The following EHD4 variants were observed in gnomAD, a reference collection of about 807,000 sequenced individuals.
EHD4 encodes the protein EH domain-containing protein 4.
In EHD4, 37 loss-of-function variants were observed where a neutral mutation model predicts 51.0. The ratio of observed to expected loss-of-function variants is 0.73; its 90% CI spans 0.56 to 0.95. The LOEUF (loss-of-function observed/expected upper bound fraction) is 0.95, where lower values mean the gene tolerates loss of function less well. Ranked by LOEUF, EHD4 falls within the 40% of genes least tolerant of loss-of-function variation. The pLI, the probability that EHD4 is intolerant of heterozygous loss-of-function variation, is 0.00. For missense variants in EHD4, 632 were observed against 733.1 expected (o/e 0.86, Z 1.59); for synonymous variants, 297 against 317.3 (o/e 0.94, Z 0.68).
intron 5 of EHD4, among the ~76,000 whole-genome samples, chr15:41,905,651 CA>C: frequency 6.6e-6 from 1 of 152,282 alleles, no homozygotes; most frequent in East Asian, 1.9e-4. Context: ...GGGTTGCTGT[CA>C]ATTATTTTTA....
intron 1 of EHD4, among the ~76,000 whole-genome samples, chr15:41,962,496 G>A (rs1270702100): frequency 2.7e-5 from 4 of 146,356 alleles, no homozygotes; most frequent in African/African-American, 5.1e-5. Context: ...TCATGTGACA[G>A]CAGAAAAAGG....
intron 5 of EHD4, among the ~76,000 whole-genome samples, chr15:41,905,025 G>A (rs2067503414): frequency 6.6e-6 from 1 of 152,226 alleles, no homozygotes; most frequent in Non-Finnish European, 1.5e-5. Context: ...TGGCATCAGC[G>A]AGCTCTCTGC....
At chr15:41,930,450 C>T (rs565228300) in intron 3 of EHD4, among the ~76,000 whole-genome samples, 42 of 152,280 alleles carry the variant, frequency 2.8e-4, no homozygotes, top group Non-Finnish European at 2.5e-4. Flanking sequence ...AGGCTTTGAC[C>T]GTGACAATGC....
chr15:41,958,646 GA>G (rs2067903867), intron 1 of EHD4, among the ~76,000 whole-genome samples: 3 of 152,140 alleles, frequency 2.0e-5, no homozygotes, highest in African/African-American at 7.2e-5. Context: ...TCTCAACGAT[GA>G]GCTTAAGAAT....
intron 5 of EHD4, among the ~76,000 whole-genome samples, chr15:41,904,648 G>C (rs8041458): frequency 0.35 from 52,886 of 152,088 alleles, 9,724 homozygotes; most frequent in Middle Eastern, 0.53. Context: ...ACATTAACCA[G>C]AAGAGTTTTC....
At position 41,897,485 on chromosome 15, in the gene EHD4, C is replaced by T. The variant is rs984425316; in HGVS notation, c.*3160G>A. ...GCCAACTGAATGAATGACCCTCCCCCAGAAGAGCAACCCTGCCCCCAGGCC... is the reference window on the plus strand; with the variant it reads ...GCCAACTGAATGAATGACCCTCCCCTAGAAGAGCAACCCTGCCCCCAGGCC... On this transcript the variant is annotated 3_prime_UTR_variant, in exon 6 of 6. Coordinates refer to ENST00000220325, the MANE Select transcript of EHD4 (RefSeq NM_139265.4). The T allele has an allele frequency of 6.6e-6, 1 of 152,380 alleles. No individual in the cohort carries two copies. The highest frequency in any genetic ancestry group is 1.5e-5 in the Non-Finnish European group (1 of 68,132). The allele number at this position is 152,380 out of a possible 1,614,324, so 9.4% of individuals were successfully genotyped here.
intron 3 of EHD4, among the ~76,000 whole-genome samples, chr15:41,931,065 C>T (rs532117196): frequency 4.5e-4 from 69 of 152,282 alleles, no homozygotes; most frequent in African/African-American, 1.6e-3. Context: ...AAAAAGACCG[C>T]CGCTCCTTTT....
intron 5 of EHD4, 92 bp downstream of exon 5, chr15:41,909,607 A>G: frequency 6.9e-7 from 1 of 1,452,792 alleles, no homozygotes; most frequent in Admixed American, 1.7e-5. Flanking sequence ...ATCCTAAACC[A>G]TGGGACTCTC....
intron 2 of EHD4, among the ~76,000 whole-genome samples, chr15:41,946,037 C>T (rs1001090145): frequency 2.6e-5 from 4 of 152,216 alleles, no homozygotes; most frequent in African/African-American, 4.8e-5. Flanking sequence ...GTGCTTTGAA[C>T]GGTGCCTGAC....
chr15:41,906,061 G>A (rs1380551059), intron 5 of EHD4, among the ~76,000 whole-genome samples: 3 of 152,238 alleles, frequency 2.0e-5, no homozygotes, highest in Admixed American at 6.5e-5. Flanking sequence ...GCAGATAGGG[G>A]TGGGTCTCCA....
chr15:41,939,792 CAA>C (rs537857115), intron 3 of EHD4, among the ~76,000 whole-genome samples: 70 of 80,224 alleles, frequency 8.7e-4, no homozygotes, highest in Admixed American at 1.9e-3. Context: ...GACTCCGTCT[CAA>C]AAAAAAAAAA....
intron 4 of EHD4, among the ~76,000 whole-genome samples, chr15:41,910,984 A>C (rs143205785): frequency 6.6e-6 from 1 of 152,356 alleles, no homozygotes; most frequent in African/African-American, 2.4e-5. Flanking sequence ...AGCAACGGAA[A>C]ATCCTATTAA....
rs144480701 is a variant in EHD4 at position 41,939,489 on chromosome 15, G to T, written c.511+3578C>A. Among the ~76,000 whole-genome samples the T allele has an allele frequency of 3.7e-3, 559 of 152,184 alleles. 1 individual carries two copies. Among genetic ancestry groups the T allele is most frequent in the Admixed American group, 5.7e-3 (87 of 15,286 alleles). The stretch of plus-strand genomic sequence containing the variant: ...GCGGGTGGATCACACCTGAGGTCAG[G>T]AGTTTGAGACCAGTTTGGCCAATAT... On this transcript the variant is annotated intron_variant, in intron 3 of 5. Coordinates refer to ENST00000220325, the MANE Select transcript of EHD4 (RefSeq NM_139265.4).
At position 41,916,569 on chromosome 15, in the gene EHD4, T is replaced by G. The variant is rs144960825; in HGVS notation, c.924+2641A>C. On this transcript the variant is annotated intron_variant, in intron 4 of 5. Coordinates refer to ENST00000220325, the MANE Select transcript of EHD4 (RefSeq NM_139265.4). Reference sequence around the variant, plus strand: ...TAATAAACCAAAATAAAAGCACTTTTGGAAAATATAAACACTCCAAAAAGA... The same window carrying G: ...TAATAAACCAAAATAAAAGCACTTTGGGAAAATATAAACACTCCAAAAAGA... Among the ~76,000 whole-genome samples the G allele has an allele frequency of 2.2e-4, 33 of 152,348 alleles. No homozygotes were observed. The East Asian group carries it at 5.8e-3, about 27-fold the overall frequency.
At chr15:41,911,968 T>C (rs1412886001) in intron 4 of EHD4, among the ~76,000 whole-genome samples, 3 of 152,172 alleles carry the variant, frequency 2.0e-5, no homozygotes, top group African/African-American at 7.2e-5. Flanking sequence ...ACACTGTTCC[T>C]GAACACTCCC....
Position 41,899,101 on chromosome 15 carries a change from TG to T in EHD4, c.*1543del, listed in dbSNP as rs1244394913. On this transcript the variant is annotated 3_prime_UTR_variant, in exon 6 of 6. Transcript: ENST00000220325. Reference sequence around the variant, plus strand: ...ATTATGTGCCTTTTGGAAGACTCAGTGGGACGGTTCTGATTTCATTCACTTC... The same window carrying T: ...ATTATGTGCCTTTTGGAAGACTCAGTGGACGGTTCTGATTTCATTCACTTC... 6.6e-6 allele frequency: 1 copy of T among 152,128 alleles called. No individual in the cohort carries two copies. The highest frequency in any genetic ancestry group is 1.5e-5 in the Non-Finnish European group (1 of 68,030). The allele number at this position is 152,128 out of a possible 1,614,324, so 9.4% of individuals were successfully genotyped here.
chr15:41,940,537 T>C (rs145814147), intron 3 of EHD4, among the ~76,000 whole-genome samples: 135 of 152,340 alleles, frequency 8.9e-4, no homozygotes, highest in African/African-American at 3.2e-3. Flanking sequence ...GGCACCGGGC[T>C]TGGGAACCAC....
intron 1 of EHD4, among the ~76,000 whole-genome samples, chr15:41,958,952 C>T (rs572592471): frequency 2.0e-5 from 3 of 152,104 alleles, no homozygotes; most frequent in East Asian, 1.9e-4. Flanking sequence ...CCTGAGAGGC[C>T]GACGGGTTCC....
intron 1 of EHD4, 31 bp downstream of exon 1, chr15:41,972,228 G>C (rs530853023): frequency 6.6e-7 from 1 of 1,510,478 alleles, no homozygotes; most frequent in African/African-American, 1.4e-5. Context: ...GCGGAGCGGG[G>C]CGGGAGCCGG....
Sources: allele counts gnomAD v4.1 joint callset (sites outside exome capture counted in the v4.1 genomes callset), GRCh38; gene constraint gnomAD v4.1.1; transcripts MANE v1.5; gene names NCBI Gene and HGNC (gene_info 2026-07-23, HGNC 2026-07-21).